EYA1: variants seen among roughly 807,000 people sequenced by gnomAD.
EYA1 encodes EYA transcriptional coactivator and phosphatase 1, also known as protein phosphatase EYA1.
In EYA1, 16 loss-of-function variants were observed where a neutral mutation model predicts 82.0. That is an observed-to-expected ratio of 0.20 (90% confidence interval 0.13 to 0.30). EYA1 has a LOEUF of 0.30. EYA1 is among the 10% of genes least tolerant of loss of function. EYA1 has a pLI of 1.00. For missense variants in EYA1, 633 were observed against 730.7 expected (o/e 0.87, Z 1.54); for synonymous variants, 261 against 264.4 (o/e 0.99, Z 0.12).
At chr8:71,292,869 A>T (rs1470047203) in intron 9 of EYA1, among the ~76,000 whole-genome samples, 5 of 152,070 alleles carry the variant, frequency 3.3e-5, no homozygotes, top group African/African-American at 9.7e-5. Context: ...CAATCATCTA[A>T]GCACCACTCT....
At chr8:71,403,346 T>C (rs1290057832) in intron 2 of EYA1, 1 of 152,050 alleles carries the variant, frequency 6.6e-6, no homozygotes, top group East Asian at 1.9e-4. Context: ...TTGACACACA[T>C]AAAAAGTGTT....
chr8:71,346,163 C>A (rs12334610), intron 3 of EYA1, among the ~76,000 whole-genome samples: 79 of 152,176 alleles, frequency 5.2e-4, no homozygotes, highest in African/African-American at 1.8e-3. Flanking sequence ...CACCAGCATG[C>A]GTCCCCACAA....
chr8:71,314,470 T>C (rs901982648), intron 7 of EYA1, among the ~76,000 whole-genome samples: 5 of 152,196 alleles, frequency 3.3e-5, no homozygotes, highest in African/African-American at 9.6e-5. Context: ...TATTACAGGT[T>C]GAATATCCCT....
intron 2 of EYA1, among the ~76,000 whole-genome samples, chr8:71,519,163 T>G (rs1380539359): frequency 1.3e-5 from 2 of 152,198 alleles, no homozygotes; most frequent in Non-Finnish European, 2.9e-5. Context: ...TTTGATCTCT[T>G]CTGAGTTGGA....
At chr8:71,472,175 T>C (rs1265074129) in intron 2 of EYA1, among the ~76,000 whole-genome samples, 22 of 152,154 alleles carry the variant, frequency 1.4e-4, no homozygotes, top group Admixed American at 1.4e-3. Flanking sequence ...AAGCTAGTGT[T>C]TACAGCTTGG....
At chr8:71,449,157 C>T in intron 2 of EYA1, 1 of 167,216 alleles carries the variant, frequency 6.0e-6, no homozygotes, top group Non-Finnish European at 1.3e-5. Context: ...TGGGAAAAAA[C>T]TCCATTTCAA....
intron 2 of EYA1, among the ~76,000 whole-genome samples, chr8:71,524,723 G>T (rs12334548): frequency 2.6e-5 from 4 of 152,078 alleles, no homozygotes; most frequent in Non-Finnish European, 4.4e-5. Context: ...AACAAGAATG[G>T]GCGAGTGAAT....
intron 2 of EYA1, chr8:71,531,388 G>A (rs181937304): frequency 2.2e-3 from 338 of 152,230 alleles, no homozygotes; most frequent in African/African-American, 7.7e-3. Context: ...CAGGTCTTAC[G>A]ACTTCAAGTC....
intron 2 of EYA1, among the ~76,000 whole-genome samples, chr8:71,449,463 T>C (rs1451782167): frequency 6.6e-6 from 1 of 152,232 alleles, no homozygotes; most frequent in Non-Finnish European, 1.5e-5. Context: ...ATTTTTGTTT[T>C]AGAAAAAGGG....
intron 2 of EYA1, among the ~76,000 whole-genome samples, chr8:71,448,025 T>TTTTTTTTTTTTTTTTAGGTAATGGAG (rs935912194): frequency 8.6e-6 from 1 of 116,736 alleles, no homozygotes; most frequent in African/African-American, 3.4e-5. Context: ...TTTTTTTTTT[T>TTTTTTTTTTTTTTTTAGGTAATGGAG]TCTCGCTCCG....
intron 11 of EYA1, among the ~76,000 whole-genome samples, chr8:71,267,837 C>T (rs1322788712): frequency 6.6e-6 from 1 of 152,062 alleles, no homozygotes; most frequent in Admixed American, 6.5e-5. Context: ...CATGAGCCAC[C>T]GCGCCCGGCC....
intron 2 of EYA1, among the ~76,000 whole-genome samples, chr8:71,471,877 C>A (rs935585456): frequency 2.0e-5 from 3 of 152,156 alleles, no homozygotes; most frequent in Non-Finnish European, 2.9e-5. Flanking sequence ...CCTTTTATAG[C>A]CCATCTTTGT....
At chr8:71,254,476 G>T (rs776624776) in intron 11 of EYA1, among the ~76,000 whole-genome samples, 12 of 152,014 alleles carry the variant, frequency 7.9e-5, no homozygotes, top group Non-Finnish European at 1.6e-4. Flanking sequence ...AGAATCTATA[G>T]ATTATAGACA....
Position 71,456,783 on chromosome 8 carries a change from G to T in EYA1, c.33+78961C>A, listed in dbSNP as rs563534326. Among the ~76,000 whole-genome samples, 122 of 152,218 alleles carry T rather than the reference G, an allele frequency of 8.0e-4. 1 individual carries two copies. Among genetic ancestry groups the T allele is most frequent in the African/African-American group, 2.8e-3 (116 of 41,552 alleles). On this transcript the variant is annotated intron_variant, in intron 2 of 18. Coordinates refer to the EYA1 transcript ENST00000643681. ...TTCAAGATGGATTAAAGACTTAAAG[G>T]TTTGACCTAAAACCATAAAAACCCT...
chr8:71,264,148 T>C (rs1445832225), intron 11 of EYA1, among the ~76,000 whole-genome samples: 1 of 152,206 alleles, frequency 6.6e-6, no homozygotes, highest in African/African-American at 2.4e-5. Context: ...CCAGATCTCC[T>C]GCAACCCAGT....
chr8:71,262,764 A>C (rs1815289642), intron 11 of EYA1, among the ~76,000 whole-genome samples: 2 of 152,224 alleles, frequency 1.3e-5, no homozygotes, highest in African/African-American at 2.4e-5. Flanking sequence ...AAAAGAGAGA[A>C]ACCTTCAAGA....
chr8:71,535,064 T>C (rs2129287587), intron 2 of EYA1, among the ~76,000 whole-genome samples: 1 of 151,930 alleles, frequency 6.6e-6, no homozygotes, highest in African/African-American at 2.4e-5. Flanking sequence ...TTTAACTTAC[T>C]GAAATATGCT....
At chr8:71,418,132 T>C (rs1430952138) in intron 2 of EYA1, among the ~76,000 whole-genome samples, 2 of 152,176 alleles carry the variant, frequency 1.3e-5, no homozygotes, top group Non-Finnish European at 2.9e-5. Flanking sequence ...TGAGTCACCA[T>C]CCTAAGGATA....
At chr8:71,522,605 G>C (rs903194579) in intron 2 of EYA1, among the ~76,000 whole-genome samples, 7 of 150,326 alleles carry the variant, frequency 4.7e-5, no homozygotes, top group African/African-American at 1.7e-4. Flanking sequence ...GGAAAATTCT[G>C]CTATCAATAC....
Sources: gnomAD v4.1 joint callset for allele counts (sites outside exome capture counted in the v4.1 genomes callset) on GRCh38, gnomAD v4.1.1 for gene constraint, MANE v1.5 for transcripts, NCBI Gene and HGNC (gene_info 2026-07-23, HGNC 2026-07-21) for gene names.